Variants in ADARB1 observed in about 807,000 individuals in gnomAD.
The protein encoded by ADARB1 is adenosine deaminase RNA specific B1.
Under a neutral mutation model 52.4 loss-of-function variants are expected in ADARB1, and 10 were observed. That is an observed-to-expected ratio of 0.19 (90% CI 0.12 to 0.32). ADARB1 has a LOEUF of 0.32. Ranked by LOEUF, ADARB1 falls within the 10% of genes least tolerant of loss-of-function variation. The probability of loss-of-function intolerance (pLI) is 1.00; values close to 1 mark genes in which losing one functional copy is unlikely to be tolerated. For missense variants in ADARB1, 643 were observed against 922.3 expected (o/e 0.70, Z 3.92); for synonymous variants, 349 against 371.1 (o/e 0.94, Z 0.68).
At chr21:45,078,114 A>G (rs749392089) in intron 1 of ADARB1, among the ~76,000 whole-genome samples, 3 of 151,922 alleles carry the variant, frequency 2.0e-5, no homozygotes, top group Non-Finnish European at 2.9e-5. Flanking sequence ...CTGTATGCCT[A>G]TAAGATGTCC....
At chr21:45,198,512 C>CAT (rs2092477152) in intron 8 of ADARB1, among the ~76,000 whole-genome samples, 2 of 151,568 alleles carry the variant, frequency 1.3e-5, no homozygotes, top group Non-Finnish European at 2.9e-5. Context: ...CACACACACA[C>CAT]ACACACACAT....
At chr21:45,076,863 T>C (rs2085957484) in intron 1 of ADARB1, among the ~76,000 whole-genome samples, 1 of 152,206 alleles carries the variant, frequency 6.6e-6, no homozygotes, top group African/African-American at 2.4e-5. Context: ...TTTTAGGCCC[T>C]AGGAGATACA....
intron 6 of ADARB1, 21 bp downstream of exon 6, chr21:45,182,774 A>C: frequency 6.5e-7 from 1 of 1,546,776 alleles, no homozygotes; most frequent in Non-Finnish European, 8.7e-7. Flanking sequence ...TAAACAAATA[A>C]GGACAGGAAG....
At chr21:45,165,303 T>A (rs1295187113) in intron 2 of ADARB1, among the ~76,000 whole-genome samples, 2 of 152,246 alleles carry the variant, frequency 1.3e-5, no homozygotes, top group Non-Finnish European at 2.9e-5. Flanking sequence ...CTTGCTAGAA[T>A]TTCCTCTTCT....
At chr21:45,147,920 G>A (rs1454429571) in intron 2 of ADARB1, among the ~76,000 whole-genome samples, 2 of 152,064 alleles carry the variant, frequency 1.3e-5, no homozygotes, top group Non-Finnish European at 2.9e-5. Context: ...CTCTGTCACC[G>A]AGAGAGAGCA....
intron 9 of ADARB1, among the ~76,000 whole-genome samples, chr21:45,205,846 G>T (rs1260084048): frequency 6.6e-6 from 1 of 152,072 alleles, no homozygotes; most frequent in Non-Finnish European, 1.5e-5. Flanking sequence ...TTATTTTGGG[G>T]TGTGTGTGTG....
intron 1 of ADARB1, among the ~76,000 whole-genome samples, chr21:45,124,403 C>G (rs1400261394): frequency 6.6e-6 from 1 of 152,140 alleles, no homozygotes; most frequent in Non-Finnish European, 1.5e-5. Context: ...GACAAGGTCT[C>G]ACTCTGTCTC....
At position 45,133,747 on chromosome 21, in the gene ADARB1, GGTGTGTGCCCGACGGT is replaced by G. The variant is rs1277646311; in HGVS notation, c.-48+5180_-48+5195del. 1.1e-5 allele frequency: 3 copies of G among 280,200 alleles called. 1 individual carries two copies. Among genetic ancestry groups the G allele is most frequent in the African/African-American group, 7.2e-5 (3 of 41,542 alleles). The allele number at this position is 280,200 out of a possible 1,614,324, so 17.4% of individuals were successfully genotyped here. ...TCGACAGTGGTGTGTGCGCCCACCG[GGTGTGTGCCCGACGGT>G]GTGTGCGCCCGATGGGTGTGTGTGC... On this transcript the variant is annotated intron_variant, in intron 2 of 10. Coordinates refer to ENST00000348831, the MANE Select transcript of ADARB1 (RefSeq NM_001112.4).
chr21:45,131,894 A>G (rs940234698), intron 2 of ADARB1, among the ~76,000 whole-genome samples: 2 of 152,194 alleles, frequency 1.3e-5, no homozygotes, highest in African/African-American at 4.8e-5. Flanking sequence ...GTCCTGGCGC[A>G]GAGCTCCGCA....
intron 2 of ADARB1, among the ~76,000 whole-genome samples, chr21:45,153,930 G>T (rs2145967098): frequency 6.6e-6 from 1 of 152,286 alleles, no homozygotes; most frequent in South Asian, 2.1e-4. Context: ...AGGCAATAGG[G>T]AGTAAAACAA....
Position 45,222,367 on chromosome 21 carries a change from C to T in ADARB1, c.*170C>T. 5 of 1,365,870 alleles carry T rather than the reference C, an allele frequency of 3.7e-6. No homozygotes were observed. The South Asian group carries it at 9.6e-5, about 26-fold the overall frequency. The allele number at this position is 1,365,870 out of a possible 1,614,324, so 84.6% of individuals were successfully genotyped here. On this transcript the variant is annotated 3_prime_UTR_variant, in exon 11 of 11. Transcript: ENST00000348831. ...CCAGCATCTCACATCAGACCTGGGG[C>T]AGGTGCGCAGTGTGGGGAGGGGATG...
At chr21:45,154,480 A>T (rs561886068) in intron 2 of ADARB1, among the ~76,000 whole-genome samples, 1 of 152,380 alleles carries the variant, frequency 6.6e-6, no homozygotes, top group East Asian at 1.9e-4. Context: ...TTTCTAAGGT[A>T]CTGTAAATCA....
rs569036717 is a variant in ADARB1 at position 45,204,996 on chromosome 21, A to G, written c.1747+260A>G. 6.6e-6 allele frequency among the ~76,000 whole-genome samples: 1 copy of G among 152,204 alleles called. No homozygotes were observed. The highest frequency in any genetic ancestry group is 2.1e-4 in the South Asian group (1 of 4,814). On this transcript the variant is annotated intron_variant, in intron 9 of 10. Transcript: ENST00000348831. The surrounding 1 kb of genome is among the most constrained non-coding windows in gnomAD (Gnocchi z 4.4). The stretch of plus-strand genomic sequence containing the variant: ...TTCATAGAAGAATTGATGGGTTCAC[A>G]CCTGTCATCCCAACACTTTGGGAGG...
chr21:45,138,274 A>G (rs118126416), intron 2 of ADARB1, among the ~76,000 whole-genome samples: 8,021 of 152,258 alleles, frequency 0.053, 323 homozygotes, highest in East Asian at 0.16. Context: ...CGTTTCTCCA[A>G]CCTTCTTTTC....
In ADARB1 at chr21:45,142,157, C is replaced by G. The variant is rs1286828376; in HGVS notation, c.-48+13584C>G. Among the ~76,000 whole-genome samples, 1 of 152,222 alleles carries G rather than the reference C, an allele frequency of 6.6e-6. No individual in the cohort carries two copies. Among genetic ancestry groups the G allele is most frequent in the African/African-American group, 2.4e-5 (1 of 41,460 alleles). On this transcript the variant is annotated intron_variant, in intron 2 of 10. Coordinates refer to ENST00000348831, the MANE Select transcript of ADARB1 (RefSeq NM_001112.4). The surrounding 1 kb of genome is among the most constrained non-coding windows in gnomAD (Gnocchi z 4.0). ...GTCACTGTCTGTGGGTGCTTGCTTGCTTTAAGCCACATTATGCTACTGCAG... is the reference window on the plus strand; with the variant it reads ...GTCACTGTCTGTGGGTGCTTGCTTGGTTTAAGCCACATTATGCTACTGCAG...
intron 8 of ADARB1, among the ~76,000 whole-genome samples, chr21:45,202,207 C>T (rs951632866): frequency 1.3e-5 from 2 of 152,158 alleles, no homozygotes; most frequent in Non-Finnish European, 2.9e-5. Context: ...GGGGGCATGA[C>T]TTGACCCATG....
At position 45,128,172 on chromosome 21, in the gene ADARB1, G is replaced by A. The variant is rs1227166864; in HGVS notation, c.-219-230G>A. 4.6e-5 allele frequency among the ~76,000 whole-genome samples: 7 copies of A among 152,226 alleles called. No individual in the cohort carries two copies. Among genetic ancestry groups the A allele is most frequent in the Non-Finnish European group, 7.3e-5 (5 of 68,036 alleles). ...GTTGGGCTGGCAGCGATCTGCCTCC[G>A]TCTGTCACAGGTGCCTCTACCTGCT... On this transcript the variant is annotated intron_variant, in intron 1 of 10. Coordinates refer to ENST00000348831, the MANE Select transcript of ADARB1 (RefSeq NM_001112.4). The surrounding 1 kb of genome is among the most constrained non-coding windows in gnomAD (Gnocchi z 4.6).
Position 45,182,607 on chromosome 21 carries a change from G to A in ADARB1, c.1101G>A (p.Lys367=), listed in dbSNP as rs778818769. The A allele has an allele frequency of 3.1e-6, 5 of 1,596,766 alleles. No individual in the cohort carries two copies. Among genetic ancestry groups the A allele is most frequent in the Non-Finnish European group, 3.4e-6 (4 of 1,175,230 alleles). Residue 367 remains lysine, a synonymous_variant, in exon 6 of 11, where the codon AAG becomes AAA. Coordinates refer to ENST00000348831, the MANE Select transcript of ADARB1 (RefSeq NM_001112.4). ...CAGGCACAGATGTTAAAGATGCCAA[G>A]GTGATAAGTGTTTCTACAGGAACAA... ...MTTGTDVKDA[K]VISVSTGTKC...
At chr21:45,145,036 CA>C in intron 2 of ADARB1, 1 of 164,748 alleles carries the variant, frequency 6.1e-6, no homozygotes, top group Non-Finnish European at 1.3e-5. Context: ...CAGGATTATA[CA>C]GTGTGATAGT....
Sources: gnomAD v4.1 joint callset for allele counts (sites outside exome capture counted in the v4.1 genomes callset) on GRCh38, gnomAD v4.1.1 for gene constraint, Gnocchi (gnomAD v3.1) non-coding constraint, MANE v1.5 for transcripts, NCBI Gene and HGNC (gene_info 2026-07-23, HGNC 2026-07-21) for gene names.